SLC8A1: variants seen among roughly 807,000 people sequenced by gnomAD.
SLC8A1 encodes the protein sodium/calcium exchanger 1.
Under a neutral mutation model 68.3 loss-of-function variants are expected in SLC8A1, and 18 were observed. The observed-to-expected ratio is 0.26, with a 90% CI of 0.18 to 0.39. SLC8A1 has a LOEUF of 0.39. Ranked by LOEUF, SLC8A1 falls within the 10% of genes least tolerant of loss-of-function variation. SLC8A1 has a pLI of 1.00. For missense variants in SLC8A1, 985 were observed against 1,156.7 expected (o/e 0.85, Z 2.15); for synonymous variants, 475 against 415.5 (o/e 1.14, Z -1.74).
At chr2:40,295,884 G>A (rs1045184477) in intron 2 of SLC8A1, among the ~76,000 whole-genome samples, 6 of 152,222 alleles carry the variant, frequency 3.9e-5, no homozygotes, top group Admixed American at 2.0e-4. Flanking sequence ...CCCTTTCTGC[G>A]TACTTCTGAA....
intron 2 of SLC8A1, among the ~76,000 whole-genome samples, chr2:40,285,634 C>A (rs1215715932): frequency 2.6e-5 from 4 of 152,252 alleles, no homozygotes; most frequent in Admixed American, 2.0e-4. Flanking sequence ...TTTGGCTTTT[C>A]TGCTAAGCCT....
chr2:40,377,979 G>A (rs1168770783), intron 2 of SLC8A1, among the ~76,000 whole-genome samples: 1 of 152,016 alleles, frequency 6.6e-6, no homozygotes, highest in Admixed American at 6.6e-5. Flanking sequence ...TCATTTCACA[G>A]GTTTTAAAGA....
At chr2:40,485,803 A>T (rs1704931316) in intron 1 of SLC8A1, among the ~76,000 whole-genome samples, 1 of 152,236 alleles carries the variant, frequency 6.6e-6, no homozygotes, top group African/African-American at 2.4e-5. Flanking sequence ...AGGGCATTTT[A>T]TATGTAGCAT....
chr2:40,185,249 A>G (rs1042638367), intron 2 of SLC8A1, among the ~76,000 whole-genome samples: 3 of 152,242 alleles, frequency 2.0e-5, no homozygotes, highest in African/African-American at 7.2e-5. Context: ...ACTATATGCC[A>G]AAGAGAATTA....
intron 2 of SLC8A1, among the ~76,000 whole-genome samples, chr2:40,334,535 G>A: frequency 6.6e-6 from 1 of 152,018 alleles, no homozygotes; most frequent in East Asian, 1.9e-4. Flanking sequence ...TTATTTTATT[G>A]GTACCAGTAA....
At chr2:40,347,074 T>C (rs1669589599) in intron 2 of SLC8A1, among the ~76,000 whole-genome samples, 1 of 152,186 alleles carries the variant, frequency 6.6e-6, no homozygotes, top group African/African-American at 2.4e-5. Context: ...GATAGCACTT[T>C]GTATAGAAGG....
chr2:40,245,946 A>G (rs1479076090), intron 2 of SLC8A1, among the ~76,000 whole-genome samples: 1 of 152,212 alleles, frequency 6.6e-6, no homozygotes, highest in Non-Finnish European at 1.5e-5. Context: ...CCAAGGTTAC[A>G]TAGTTATAAG....
intron 2 of SLC8A1, among the ~76,000 whole-genome samples, chr2:40,219,052 T>C (rs539086250): frequency 2.6e-5 from 4 of 152,388 alleles, no homozygotes; most frequent in African/African-American, 9.6e-5. Context: ...TGATATAATC[T>C]CCATAATCAT....
At chr2:40,475,515 G>A (rs1704237970) in intron 1 of SLC8A1, among the ~76,000 whole-genome samples, 1 of 151,944 alleles carries the variant, frequency 6.6e-6, no homozygotes, top group African/African-American at 2.4e-5. Flanking sequence ...AGTTAAAACT[G>A]AGGATTTATT....
At chr2:40,422,709 G>C (rs999729455) in intron 2 of SLC8A1, among the ~76,000 whole-genome samples, 1 of 152,112 alleles carries the variant, frequency 6.6e-6, no homozygotes, top group African/African-American at 2.4e-5. Flanking sequence ...ACCATTCCTA[G>C]AGACCCAAGG....
At chr2:40,397,519 G>A (rs1242468567) in intron 2 of SLC8A1, among the ~76,000 whole-genome samples, 1 of 152,182 alleles carries the variant, frequency 6.6e-6, no homozygotes, top group African/African-American at 2.4e-5. Flanking sequence ...GATTGTGGGT[G>A]TGAAACCATC....
At chr2:40,491,169 G>C (rs1705291812) in intron 1 of SLC8A1, among the ~76,000 whole-genome samples, 1 of 152,126 alleles carries the variant, frequency 6.6e-6, no homozygotes, top group South Asian at 2.1e-4. Flanking sequence ...AGAAGCTTAG[G>C]TTTGTAGTTC....
At chr2:40,338,146 G>A (rs1666578342) in intron 2 of SLC8A1, among the ~76,000 whole-genome samples, 1 of 151,826 alleles carries the variant, frequency 6.6e-6, no homozygotes, top group South Asian at 2.1e-4. Flanking sequence ...TATCCAATAA[G>A]GCTACAATTC....
At chr2:40,507,465 T>C (rs545771899) in intron 1 of SLC8A1, among the ~76,000 whole-genome samples, 1 of 152,218 alleles carries the variant, frequency 6.6e-6, no homozygotes, top group East Asian at 1.9e-4. Flanking sequence ...CAAGTGATTA[T>C]TTATTAAACT....
intron 4 of SLC8A1, among the ~76,000 whole-genome samples, chr2:40,168,115 C>G (rs760591103): frequency 1.2e-4 from 18 of 152,170 alleles, no homozygotes; most frequent in Non-Finnish European, 2.2e-4. Flanking sequence ...ACTTCCTCCT[C>G]TACTTTCCAG....
chr2:40,187,974 G>T (rs1229506118), intron 2 of SLC8A1, among the ~76,000 whole-genome samples: 1 of 152,150 alleles, frequency 6.6e-6, no homozygotes, highest in Non-Finnish European at 1.5e-5. Flanking sequence ...CTTAAGGAGG[G>T]TAAAGCAATA....
Position 40,439,869 on chromosome 2 carries a change from CT to C in SLC8A1, c.-24-9566del, listed in dbSNP as rs1700152666. The stretch of plus-strand genomic sequence containing the variant: ...GATGGGTGCTCACATAAGGGTGACT[CT>C]CCATCAGTGTTGTATGCTACAATTT... On this transcript the variant is annotated intron_variant, in intron 1 of 7. Transcript: ENST00000406785. Among the ~76,000 whole-genome samples, 4 of 152,220 alleles carry C rather than the reference CT, an allele frequency of 2.6e-5. No homozygotes were observed. The East Asian group carries it at 7.7e-4, about 29-fold the overall frequency.
chr2:40,232,573 C>T, intron 2 of SLC8A1, among the ~76,000 whole-genome samples: 1 of 149,484 alleles, frequency 6.7e-6, no homozygotes, highest in South Asian at 2.2e-4. Context: ...TAATAATTTT[C>T]CATTACTGTC....
At chr2:40,178,258 A>G in intron 2 of SLC8A1, 129 bp downstream of exon 3, 1 of 741,172 alleles carries the variant, frequency 1.3e-6, no homozygotes, top group South Asian at 1.6e-5. Context: ...GCTCAGCATG[A>G]GATCTGTGCC....
Sources: allele counts gnomAD v4.1 joint callset (sites outside exome capture counted in the v4.1 genomes callset), GRCh38; gene constraint gnomAD v4.1.1; transcripts MANE v1.5; gene names NCBI Gene and HGNC (gene_info 2026-07-23, HGNC 2026-07-21).